FGGY: variants seen among roughly 807,000 people sequenced by gnomAD.
FGGY encodes FGGY carbohydrate kinase domain containing.
A neutral mutation model predicts 71.3 loss-of-function variants in FGGY; 72 were observed. That is an observed-to-expected ratio of 1.01 (90% CI 0.84 to 1.23). FGGY has a LOEUF of 1.23. Ranked by LOEUF, FGGY falls within the 50% of genes most tolerant of loss-of-function variation. FGGY has a pLI of 0.00. For missense variants in FGGY, 668 were observed against 682.3 expected, an observed-to-expected ratio of 0.98 and a Z score of 0.23; for synonymous variants, 251 against 250.3, an observed-to-expected ratio of 1.00 and a Z score of -0.02.
At chr1:59,635,467 T>C (rs1468131200) in intron 10 of FGGY, among the ~76,000 whole-genome samples, 1 of 152,006 alleles carries the variant, frequency 6.6e-6, no homozygotes, top group East Asian at 1.9e-4. Flanking sequence ...TACGTTCTTA[T>C]TGACCCAGAT....
chr1:59,557,924 A>G (rs2153711780), intron 8 of FGGY, among the ~76,000 whole-genome samples: 1 of 152,300 alleles, frequency 6.6e-6, no homozygotes, highest in East Asian at 1.9e-4. Flanking sequence ...GAGAGCTGGG[A>G]ACTACATCTG....
At chr1:59,653,786 C>T (rs1036680420) in intron 11 of FGGY, among the ~76,000 whole-genome samples, 1 of 152,170 alleles carries the variant, frequency 6.6e-6, no homozygotes. Flanking sequence ...CTCCTGCCAC[C>T]ATCTTTTAAG....
intron 7 of FGGY, among the ~76,000 whole-genome samples, chr1:59,530,098 T>C (rs530321498): frequency 3.3e-4 from 50 of 152,232 alleles, no homozygotes; most frequent in South Asian, 1.0e-3. Flanking sequence ...TTTAAATCTA[T>C]TGTCTTAGAT....
At chr1:59,760,619 A>G (rs1231183258) in intron 15 of FGGY, among the ~76,000 whole-genome samples, 1 of 152,210 alleles carries the variant, frequency 6.6e-6, no homozygotes, top group Non-Finnish European at 1.5e-5. Context: ...CAGCCTTAGA[A>G]AGAAGCAATT....
chr1:59,545,312 T>G (rs1260341421), intron 7 of FGGY, among the ~76,000 whole-genome samples: 1 of 152,248 alleles, frequency 6.6e-6, no homozygotes, highest in Non-Finnish European at 1.5e-5. Context: ...ATTTAAGGAC[T>G]TATTCCATAA....
At chr1:59,710,427 A>G (rs2097785728) in intron 14 of FGGY, among the ~76,000 whole-genome samples, 1 of 152,234 alleles carries the variant, frequency 6.6e-6, no homozygotes, top group Non-Finnish European at 1.5e-5. Context: ...CAATGGCAAC[A>G]AAAGCCAAAA....
intron 6 of FGGY, among the ~76,000 whole-genome samples, chr1:59,494,937 C>T (rs1401070421): frequency 6.6e-6 from 1 of 152,096 alleles, no homozygotes; most frequent in Non-Finnish European, 1.5e-5. Flanking sequence ...AAGTGCTTTC[C>T]ACAATGGCTG....
intron 1 of FGGY, among the ~76,000 whole-genome samples, chr1:59,320,332 T>C (rs147443655): frequency 6.6e-6 from 1 of 152,214 alleles, no homozygotes; most frequent in African/African-American, 2.4e-5. Flanking sequence ...AGAATCTCCA[T>C]GTTTGACTTG....
chr1:59,758,134 G>A, intron 15 of FGGY, 142 bp downstream of exon 15: 1 of 555,788 alleles, frequency 1.8e-6, no homozygotes, highest in East Asian at 3.1e-5. Flanking sequence ...GTTCCAGGGA[G>A]GTAATGTCAC....
intron 6 of FGGY, among the ~76,000 whole-genome samples, chr1:59,491,809 AGATATGAATATTT>A (rs1265709148): frequency 6.6e-6 from 1 of 152,148 alleles, no homozygotes; most frequent in Non-Finnish European, 1.5e-5. Flanking sequence ...GAGCCCAATA[AGATATGAATATTT>A]GAATTTGCTG....
At chr1:59,299,722 C>T (rs1482987592) in intron 1 of FGGY, among the ~76,000 whole-genome samples, 1 of 152,214 alleles carries the variant, frequency 6.6e-6, no homozygotes, top group Non-Finnish European at 1.5e-5. Context: ...TTATGCCTGA[C>T]GCACGTGGCC....
At chr1:59,738,978 C>G (rs2098126568) in intron 14 of FGGY, among the ~76,000 whole-genome samples, 1 of 152,184 alleles carries the variant, frequency 6.6e-6, no homozygotes, top group African/African-American at 2.4e-5. Context: ...CCTGCCCAAA[C>G]CACTGGACCT....
rs34041597 is a variant in FGGY at position 59,664,939 on chromosome 1, C to CAA, written c.1297-2334_1297-2333dup. Among the ~76,000 whole-genome samples the CAA allele has an allele frequency of 4.2e-3, 610 of 144,234 alleles. 3 individuals are homozygous for CAA. The highest frequency in any genetic ancestry group is 0.013 in the African/African-American group (515 of 39,662). The allele number at this position is 144,234 out of a possible 152,430, so 94.6% of individuals were successfully genotyped here. On this transcript the variant is annotated intron_variant, in intron 12 of 15. Coordinates refer to ENST00000303721, the MANE Select transcript of FGGY (RefSeq NM_018291.5). ...GAATATGATACTATTATTCCCATGG[C>CAA]AAAAAAAAAAATGGCAATTGAGTTA...
chr1:59,670,429 G>A (rs565466775), intron 13 of FGGY, among the ~76,000 whole-genome samples: 2 of 152,316 alleles, frequency 1.3e-5, no homozygotes, highest in African/African-American at 2.4e-5. Flanking sequence ...AAACACATTC[G>A]AATTTGGGAG....
chr1:59,458,834 C>A (rs996674024), intron 6 of FGGY, among the ~76,000 whole-genome samples: 28 of 152,152 alleles, frequency 1.8e-4, no homozygotes, highest in African/African-American at 6.8e-4. Flanking sequence ...TCAGTCTGAA[C>A]CCAAAGTAGA....
At chr1:59,604,278 A>G (rs1208765399) in intron 8 of FGGY, among the ~76,000 whole-genome samples, 1 of 152,240 alleles carries the variant, frequency 6.6e-6, no homozygotes, top group East Asian at 1.9e-4. Flanking sequence ...CAAAAGATTA[A>G]ACAACACATA....
In FGGY at chr1:59,617,884, G is replaced by A. The variant is rs914193220; in HGVS notation, c.1012-8104G>A. Reference sequence around the variant, plus strand: ...CTATGTGCTCTTGGGATTTTAGGATGTGTACATTGTGAGTGTCTATCTGCC... The same window carrying A: ...CTATGTGCTCTTGGGATTTTAGGATATGTACATTGTGAGTGTCTATCTGCC... On this transcript the variant is annotated intron_variant, in intron 9 of 15. Transcript: ENST00000303721. Among the ~76,000 whole-genome samples, 3 of 152,210 alleles carry A rather than the reference G, an allele frequency of 2.0e-5. No homozygotes were observed. In the East Asian group the frequency reaches 5.8e-4, roughly 29 times the overall value.
intron 14 of FGGY, among the ~76,000 whole-genome samples, chr1:59,730,805 A>G (rs982425255): frequency 6.6e-5 from 10 of 152,212 alleles, no homozygotes; most frequent in African/African-American, 1.9e-4. Context: ...GTTGTAAACA[A>G]TGAGTAGCTG....
Position 59,346,418 on chromosome 1 carries a change from G to A in FGGY, c.465+20G>A, listed in dbSNP as rs747429081. 1.2e-6 allele frequency: 2 copies of A among 1,610,430 alleles called. No individual in the cohort carries two copies. The highest frequency in any genetic ancestry group is 2.2e-5 in the South Asian group (2 of 90,890). On this transcript the variant is annotated intron_variant, in intron 4 of 15. Coordinates refer to ENST00000303721, the MANE Select transcript of FGGY (RefSeq NM_018291.5). ...AAAGAGGTGAGTGCATAGGGTCTAA[G>A]AGAAGATACCAACAATAGTAGAGGA...
Sources: allele counts gnomAD v4.1 joint callset (sites outside exome capture counted in the v4.1 genomes callset), GRCh38; gene constraint gnomAD v4.1.1; transcripts MANE v1.5; gene names NCBI Gene and HGNC (gene_info 2026-07-23, HGNC 2026-07-21).